The following CSF1R variants were observed in gnomAD, a reference collection of about 807,000 sequenced individuals.
CSF1R encodes colony stimulating factor 1 receptor, also known as macrophage colony-stimulating factor 1 receptor.
Under a neutral mutation model 110.0 loss-of-function variants are expected in CSF1R, and 40 were observed. That is an observed-to-expected ratio of 0.36 (90% CI 0.28 to 0.47). The LOEUF is 0.47. Ranked by LOEUF, CSF1R falls within the 20% of genes least tolerant of loss-of-function variation. The probability of loss-of-function intolerance (pLI) is 0.99; values close to 1 mark genes in which losing one functional copy is unlikely to be tolerated. For missense variants in CSF1R, 1,052 were observed against 1,253.0 expected (o/e 0.84, Z 2.42); for synonymous variants, 523 against 503.4 (o/e 1.04, Z -0.52).
upstream of CSF1R, among the ~76,000 whole-genome samples, chr5:150,091,279 T>G (rs186569262): frequency 4.8e-4 from 73 of 152,290 alleles, no homozygotes; most frequent in Middle Eastern, 6.8e-3. Flanking sequence ...GAAATATCAC[T>G]TCTAGGTAAA....
intron 4 of CSF1R, 78 bp downstream of exon 4, chr5:150,078,034 G>A: frequency 6.3e-7 from 1 of 1,577,418 alleles, no homozygotes; most frequent in Non-Finnish European, 8.7e-7. Flanking sequence ...TGGAGTTGGG[G>A]GCCCAGGACT....
At position 150,054,064 on chromosome 5, in the gene CSF1R, A is replaced by G. The variant is rs894716510; in HGVS notation, c.*5T>C. 3.1e-6 allele frequency: 5 copies of G among 1,613,774 alleles called. No individual in the cohort carries two copies. The African/African-American group carries it at 4.0e-5, about 13-fold the overall frequency. On this transcript the variant is annotated 3_prime_UTR_variant, in exon 21 of 21. Coordinates refer to ENST00000675795, the MANE Select transcript of CSF1R (RefSeq NM_001288705.3). ...GGGAGAGTGGTACTCCCTGTCGTCA[A>G]CTCCTCAGCAGAACTGATAGTTGTT...
intron 16 of CSF1R, 121 bp from the exon 17 acceptor site, chr5:150,056,462 G>A (rs1757223101): frequency 7.8e-7 from 1 of 1,284,074 alleles, no homozygotes; most frequent in Non-Finnish European, 1.1e-6. Context: ...CAACAGTTTT[G>A]GTCCTTTACC....
At chr5:150,084,491 C>T (rs1043523194) in intron 1 of CSF1R, among the ~76,000 whole-genome samples, 1 of 151,212 alleles carries the variant, frequency 6.6e-6, no homozygotes, top group South Asian at 2.1e-4. Context: ...CTTGCTCTGT[C>T]GCCTAGGCTG....
rs1757990068 is a variant in CSF1R at position 150,070,565 on chromosome 5, G to A, written c.1089C>T (p.Thr363=). 1 of 1,528,530 alleles carries A rather than the reference G, an allele frequency of 6.5e-7. No individual in the cohort carries two copies. The highest frequency in any genetic ancestry group is 2.4e-5 in the East Asian group (1 of 40,832). The allele number at this position is 1,528,530 out of a possible 1,614,324, so 94.7% of individuals were successfully genotyped here. ...TCAGGCGGGGCAGAGAGAGGGTGAA[G>A]GTGTGCCTGCAGGAGAGAATCAGGT... ...NATTKDTYRH[T]FTLSLPRLKP... The change falls in exon 7 of 21, where the codon ACC becomes ACT. Residue 363 remains threonine (T), a synonymous_variant. Coordinates refer to ENST00000675795, the MANE Select transcript of CSF1R (RefSeq NM_001288705.3).
At chr5:150,087,682 G>A (rs1342599643), upstream of CSF1R, among the ~76,000 whole-genome samples, 4 of 151,548 alleles carry the variant, frequency 2.6e-5, no homozygotes, top group Non-Finnish European at 4.4e-5. Flanking sequence ...TAGTTGATTC[G>A]CTTAGTATTT....
chr5:150,058,595 T>A (rs762814081), intron 14 of CSF1R, among the ~76,000 whole-genome samples: 2 of 152,210 alleles, frequency 1.3e-5, no homozygotes, highest in African/African-American at 2.4e-5. Flanking sequence ...GCTAATACTT[T>A]CCTTTGGTGC....
intron 9 of CSF1R, among the ~76,000 whole-genome samples, chr5:150,069,025 A>G (rs752073663): frequency 6.6e-6 from 1 of 152,250 alleles, no homozygotes; most frequent in Non-Finnish European, 1.5e-5. Flanking sequence ...TAATCCCCAC[A>G]AAGAGCTTAA....
rs1757058071 is a variant in CSF1R, at chr5:150,054,044, A to G, written c.*25T>C. The G allele has an allele frequency of 6.2e-7, 1 of 1,611,250 alleles. No homozygotes were observed. The highest frequency in any genetic ancestry group is 8.5e-7 in the Non-Finnish European group (1 of 1,178,132). ...GGAGTTGAAGTTTGTGGGAGGGGAG[A>G]GTGGTACTCCCTGTCGTCAACTCCT... On this transcript the variant is annotated 3_prime_UTR_variant, in exon 21 of 21. Coordinates refer to ENST00000675795, the MANE Select transcript of CSF1R (RefSeq NM_001288705.3).
chr5:150,057,436 C>A, intron 15 of CSF1R, 52 bp from the exon 16 acceptor site: 1 of 1,610,248 alleles, frequency 6.2e-7, no homozygotes, highest in Non-Finnish European at 8.5e-7. Context: ...CCACCCCTCA[C>A]CCCAGCAGCC....
intron 1 of CSF1R, among the ~76,000 whole-genome samples, chr5:150,085,277 G>GAAAAAAAAGAAAAAAAAA (rs1758787019): frequency 1.1e-5 from 1 of 92,470 alleles, no homozygotes; most frequent in East Asian, 3.6e-4. Context: ...TCTGTCTCAG[G>GAAAAAAAAGAAAAAAAAA]AAAAAAAAAA....
At chr5:150,106,303 T>A (rs1170828073) in intron 1 of CSF1R, among the ~76,000 whole-genome samples, 1 of 152,206 alleles carries the variant, frequency 6.6e-6, no homozygotes, top group East Asian at 1.9e-4. Flanking sequence ...TGAAGAAATG[T>A]GTGGGCCATG....
At chr5:150,071,770 C>T (rs1758042998) in intron 6 of CSF1R, among the ~76,000 whole-genome samples, 1 of 152,128 alleles carries the variant, frequency 6.6e-6, no homozygotes, top group African/African-American at 2.4e-5. Context: ...CCAGCCCCCT[C>T]CAAAGGGCCT....
At chr5:150,060,494 G>A (rs559523144) in intron 13 of CSF1R, among the ~76,000 whole-genome samples, 2 of 152,194 alleles carry the variant, frequency 1.3e-5, no homozygotes, top group African/African-American at 4.8e-5. Context: ...GGGCACCTTT[G>A]GGGGCCCTGG....
chr5:150,111,834 T>C (rs961803715), intron 1 of CSF1R, among the ~76,000 whole-genome samples: 2 of 152,248 alleles, frequency 1.3e-5, no homozygotes, highest in African/African-American at 2.4e-5. Context: ...CAATTCATTA[T>C]GCCAATGGGA....
At chr5:150,077,216 C>T (rs1464505908) in intron 5 of CSF1R, 60 bp downstream of exon 5, 9 of 1,605,916 alleles carry the variant, frequency 5.6e-6, no homozygotes, top group Non-Finnish European at 7.7e-6. Context: ...TCCTCAAAAC[C>T]CTTCTGCTCA....
upstream of CSF1R, among the ~76,000 whole-genome samples, chr5:150,089,792 C>T (rs1352356196): frequency 1.3e-5 from 2 of 152,076 alleles, no homozygotes; most frequent in Non-Finnish European, 2.9e-5. Flanking sequence ...TATAAAACTA[C>T]AGAAATCAAA....
intron 1 of CSF1R, among the ~76,000 whole-genome samples, chr5:150,085,883 T>C (rs1452032083): frequency 1.3e-5 from 2 of 151,782 alleles, no homozygotes; most frequent in Non-Finnish European, 2.9e-5. Context: ...CCCAACTCAG[T>C]GTAGGTCTGG....
At chr5:150,088,661 G>A (rs1052972557), upstream of CSF1R, among the ~76,000 whole-genome samples, 10 of 152,082 alleles carry the variant, frequency 6.6e-5, no homozygotes, top group African/African-American at 2.4e-4. Flanking sequence ...AAACTCCCGA[G>A]TAGCTGGGAT....
Sources: gnomAD v4.1 joint callset for allele counts (sites outside exome capture counted in the v4.1 genomes callset) on GRCh38, gnomAD v4.1.1 for gene constraint, MANE v1.5 for transcripts, NCBI Gene and HGNC (gene_info 2026-07-23, HGNC 2026-07-21) for gene names.